The following NRXN1 variants were observed in gnomAD, a reference collection of about 807,000 sequenced individuals.
NRXN1 encodes neurexin 1.
A neutral mutation model predicts 150.9 loss-of-function variants in NRXN1; 39 were observed. The observed-to-expected ratio is 0.26, with a 90% confidence interval of 0.20 to 0.34. The LOEUF is 0.34. Ranked by LOEUF, NRXN1 falls within the 10% of genes least tolerant of loss-of-function variation. The pLI is 1.00. For missense variants in NRXN1, 1,815 were observed against 1,949.9 expected, an observed-to-expected ratio of 0.93 and a Z score of 1.30; for synonymous variants, 924 against 757.0, an observed-to-expected ratio of 1.22 and a Z score of -3.62.
intron 12 of NRXN1, among the ~76,000 whole-genome samples, chr2:50,524,865 T>C (rs1558879977): frequency 2.0e-5 from 3 of 152,028 alleles, no homozygotes; most frequent in Non-Finnish European, 2.9e-5. Flanking sequence ...AAGGCCAAAT[T>C]TTCAGAAAAA....
chr2:50,576,970 A>T (rs957663122), intron 8 of NRXN1, among the ~76,000 whole-genome samples: 2 of 152,044 alleles, frequency 1.3e-5, no homozygotes, highest in African/African-American at 4.8e-5. Context: ...CTTTTCTGAC[A>T]TTTTAATGAT....
chr2:50,847,330 G>A (rs988989883), intron 5 of NRXN1, among the ~76,000 whole-genome samples: 9 of 152,074 alleles, frequency 5.9e-5, no homozygotes, highest in African/African-American at 2.2e-4. Context: ...GGAAACTGGC[G>A]TTTAGAGGGA....
intron 5 of NRXN1, among the ~76,000 whole-genome samples, chr2:50,855,491 T>C (rs1422716417): frequency 6.6e-6 from 1 of 151,974 alleles, no homozygotes; most frequent in Non-Finnish European, 1.5e-5. Flanking sequence ...TCCATGCTGC[T>C]TCCTTCAAAT....
At chr2:50,132,499 G>T (rs1328296407) in intron 18 of NRXN1, among the ~76,000 whole-genome samples, 1 of 151,890 alleles carries the variant, frequency 6.6e-6, no homozygotes, top group Non-Finnish European at 1.5e-5. Context: ...TAGAGACAGG[G>T]TTTCATCGTG....
chr2:50,556,988 C>G (rs1357293866), intron 8 of NRXN1, among the ~76,000 whole-genome samples: 1 of 152,140 alleles, frequency 6.6e-6, no homozygotes, highest in Non-Finnish European at 1.5e-5. Context: ...CCCTTTCTGG[C>G]TTTCTCCTGT....
At chr2:50,606,956 G>A (rs1677232480) in intron 8 of NRXN1, among the ~76,000 whole-genome samples, 1 of 152,028 alleles carries the variant, frequency 6.6e-6, no homozygotes, top group Admixed American at 6.6e-5. Flanking sequence ...GACTGCAAAT[G>A]AAGTGAAAAA....
chr2:50,790,097 G>C (rs947183590), intron 5 of NRXN1, among the ~76,000 whole-genome samples: 1 of 151,706 alleles, frequency 6.6e-6, no homozygotes, highest in Admixed American at 6.6e-5. Context: ...AGGCCAAGGA[G>C]TTGTAAACCT....
intron 2 of NRXN1, among the ~76,000 whole-genome samples, chr2:50,960,613 A>G (rs968501344): frequency 6.6e-6 from 1 of 151,978 alleles, no homozygotes; most frequent in East Asian, 1.9e-4. Flanking sequence ...CAAATCTATG[A>G]ATTTCTAGAC....
At chr2:50,678,529 G>T (rs1689873446) in intron 5 of NRXN1, among the ~76,000 whole-genome samples, 1 of 152,098 alleles carries the variant, frequency 6.6e-6, no homozygotes, top group African/African-American at 2.4e-5. Flanking sequence ...TCTGCCTTCA[G>T]CCATCTGTAT....
At chr2:50,981,830 T>C (rs1696870072) in intron 2 of NRXN1, among the ~76,000 whole-genome samples, 1 of 147,990 alleles carries the variant, frequency 6.8e-6, no homozygotes. Context: ...TGTGTGTGTG[T>C]GTGTGTGTGT....
At chr2:50,219,944 T>A (rs1172464236) in intron 18 of NRXN1, among the ~76,000 whole-genome samples, 7 of 51,630 alleles carry the variant, frequency 1.4e-4, no homozygotes, top group Non-Finnish European at 2.3e-4. Flanking sequence ...TATTATATAT[T>A]ATATATATAA....
At chr2:50,522,922 CG>C (rs1472694023) in intron 12 of NRXN1, among the ~76,000 whole-genome samples, 3 of 150,624 alleles carry the variant, frequency 2.0e-5, no homozygotes, top group African/African-American at 7.3e-5. Flanking sequence ...TTAGTAGAGA[CG>C]GGGTTTCACC....
chr2:50,360,688 A>G (rs1249805792), intron 17 of NRXN1, among the ~76,000 whole-genome samples: 3 of 152,168 alleles, frequency 2.0e-5, no homozygotes, highest in Non-Finnish European at 4.4e-5. Context: ...CACACTGTCA[A>G]TATTATACAG....
intron 21 of NRXN1, among the ~76,000 whole-genome samples, chr2:49,965,611 G>A (rs185068420): frequency 5.3e-5 from 8 of 152,022 alleles, no homozygotes; most frequent in Non-Finnish European, 8.8e-5. Context: ...AAAATAATTT[G>A]TCCTACACAA....
intron 2 of NRXN1, among the ~76,000 whole-genome samples, chr2:50,928,675 G>A (rs1687282725): frequency 6.6e-6 from 1 of 151,986 alleles, no homozygotes. Context: ...CAGCAACAAA[G>A]ACAGGTGCTG....
Position 50,293,802 on chromosome 2 carries a change from T to A in NRXN1, c.3365-56832A>T, listed in dbSNP as rs193234060. ...ATAGTAAACTTGCGAGTTCAATGAA[T>A]TTGCTATAATATCCCAAGTAGTGTA... On this transcript the variant is annotated intron_variant, in intron 17 of 22. Transcript: ENST00000401669. Among the ~76,000 whole-genome samples, 680 of 152,252 alleles carry A rather than the reference T, an allele frequency of 4.5e-3. 1 individual carries two copies. The highest frequency in any genetic ancestry group is 5.3e-3 in the Non-Finnish European group (360 of 68,002).
At chr2:50,979,316 A>G (rs1204254721) in intron 2 of NRXN1, 1 of 515,074 alleles carries the variant, frequency 1.9e-6, no homozygotes, top group East Asian at 5.5e-5. Flanking sequence ...GGACAATGTG[A>G]CAGCAATTCC....
At chr2:49,977,014 T>C (rs1233458902) in intron 21 of NRXN1, among the ~76,000 whole-genome samples, 1 of 152,150 alleles carries the variant, frequency 6.6e-6, no homozygotes, top group Non-Finnish European at 1.5e-5. Flanking sequence ...CCAATAATGG[T>C]GTAGGGCTAA....
Position 50,123,131 on chromosome 2 carries a change from GAAAC to G in NRXN1, c.3547-31641_3547-31638del, listed in dbSNP as rs369107484. ...TTCTAAATGCCAGGGATACAGTAGT[GAAAC>G]AAACAGACAAAAACCTCTGCCCTCC... On this transcript the variant is annotated intron_variant, in intron 18 of 22. Coordinates refer to ENST00000401669, the MANE Select transcript of NRXN1 (RefSeq NM_001330078.2). Among the ~76,000 whole-genome samples, 238 of 152,282 alleles carry G rather than the reference GAAAC, an allele frequency of 1.6e-3. 5 individuals carry two copies. The highest frequency in any genetic ancestry group is 4.6e-3 in the East Asian group (24 of 5,178).
Sources: gnomAD v4.1 joint callset for allele counts (sites outside exome capture counted in the v4.1 genomes callset) on GRCh38, gnomAD v4.1.1 for gene constraint, MANE v1.5 for transcripts, NCBI Gene and HGNC (gene_info 2026-07-23, HGNC 2026-07-21) for gene names.